Variants in HDGF observed in about 807,000 individuals in gnomAD.
The protein encoded by HDGF is heparin binding growth factor.
Under a neutral mutation model 30.0 loss-of-function variants are expected in HDGF, and 5 were observed. That is an observed-to-expected ratio of 0.17 (90% CI 0.09 to 0.35). HDGF has a LOEUF of 0.35. Ranked by LOEUF, HDGF falls within the 10% of genes least tolerant of loss-of-function variation. The pLI is 1.00. For synonymous variants in HDGF, 133 were observed against 112.7 expected, an observed-to-expected ratio of 1.18 and a Z score of -1.14; for missense variants, 214 against 302.8, an observed-to-expected ratio of 0.71 and a Z score of 2.18.
chr1:156,755,503 T>C (rs1055688951), upstream of HDGF: 1 of 152,148 alleles, frequency 6.6e-6, no homozygotes, highest in Non-Finnish European at 1.5e-5. Flanking sequence ...CAAAATTTTC[T>C]TGCACTGTGA....
chr1:156,748,564 C>T (rs1207234497), intron 1 of HDGF, among the ~76,000 whole-genome samples: 1 of 152,170 alleles, frequency 6.6e-6, no homozygotes, highest in Non-Finnish European at 1.5e-5. Flanking sequence ...TTGCATTTGC[C>T]CGATTCCATC....
In HDGF at chr1:156,743,424, G is replaced by A; in HGVS notation, c.*25C>T. On this transcript the variant is annotated 3_prime_UTR_variant, in exon 6 of 6. Transcript: ENST00000357325. ...CCCAGACAGCAGCAGGAACAGGGTG[G>A]GGGCTCCTCTTGAAACATTGGTGGC... 1 of 1,514,320 alleles carries A rather than the reference G, an allele frequency of 6.6e-7. No homozygotes were observed. Among genetic ancestry groups the A allele is most frequent in the Non-Finnish European group, 8.8e-7 (1 of 1,134,048 alleles). 93.8% of individuals were successfully genotyped at this position (1,514,320 alleles called of 1,614,324 possible).
intron 1 of HDGF, among the ~76,000 whole-genome samples, chr1:156,765,349 T>C (rs1651335778): frequency 6.6e-6 from 1 of 151,168 alleles, no homozygotes; most frequent in Non-Finnish European, 1.5e-5. Context: ...CGCCTCGGCC[T>C]CCCAAAATGC....
intron 1 of HDGF, among the ~76,000 whole-genome samples, chr1:156,764,085 G>GTTTT (rs1651306835): frequency 6.6e-6 from 1 of 151,012 alleles, no homozygotes; most frequent in Non-Finnish European, 1.5e-5. Flanking sequence ...TTCTGTTTTT[G>GTTTT]TTTGTTTGTT....
Position 156,743,863 on chromosome 1 carries a change from G to A in HDGF, c.505C>T (p.Pro169Ser). The change falls in exon 5 of 6, where the codon CCC (proline) becomes TCC (serine). Residue 169 changes from proline to serine, a missense_variant. Physicochemically the swap from Pro to Ser is moderately conservative, Grantham distance 74. Coordinates refer to ENST00000357325, the MANE Select transcript of HDGF (RefSeq NM_004494.3). ...CCTTCAGGGTTTTCTGCCTCCTTGGGACGTTTAGGAGAGTCCTAGGCAGGA... is the reference window on the plus strand; with the variant it reads ...CCTTCAGGGTTTTCTGCCTCCTTGGAACGTTTAGGAGAGTCCTAGGCAGGA... ...GDLLEDSPKRPKEAENPEGEE... is the reference protein window; with the variant it reads ...GDLLEDSPKRSKEAENPEGEE... The A allele has an allele frequency of 6.2e-7, 1 of 1,613,450 alleles. No homozygotes were observed. The highest frequency in any genetic ancestry group is 1.1e-5 in the South Asian group (1 of 91,056).
chr1:156,756,667 C>A (rs1466372599), upstream of HDGF, among the ~76,000 whole-genome samples: 2 of 152,066 alleles, frequency 1.3e-5, no homozygotes, highest in Non-Finnish European at 1.5e-5. Context: ...CTATTAGTTA[C>A]CATCTGTTAG....
upstream of HDGF, chr1:156,751,885 G>A (rs1474870997): frequency 1.1e-6 from 1 of 949,462 alleles, no homozygotes; most frequent in Non-Finnish European, 1.5e-6. This position sits in a 1 kb window ranked among gnomAD's most constrained non-coding sequence, Gnocchi z 4.7. Context: ...GCCTGACGGC[G>A]CGTGGCGGCA....
chr1:156,758,741 G>T (rs1651196457), intron 2 of HDGF, among the ~76,000 whole-genome samples: 1 of 152,146 alleles, frequency 6.6e-6, no homozygotes, highest in South Asian at 2.1e-4. Flanking sequence ...TCGCGCCACT[G>T]CACTCCAGCC....
chr1:156,765,100 T>A (rs1233545395), intron 1 of HDGF, among the ~76,000 whole-genome samples: 1 of 150,630 alleles, frequency 6.6e-6, no homozygotes, highest in Non-Finnish European at 1.5e-5. Flanking sequence ...CCGCCCTTTT[T>A]TTTTTTTTTG....
In HDGF at chr1:156,744,322, T is replaced by C; in HGVS notation, c.330A>G (p.Glu110=). 8 of 1,614,162 alleles carry C rather than the reference T, an allele frequency of 5.0e-6. No individual in the cohort carries two copies. In the South Asian group the frequency reaches 5.5e-5, roughly 11 times the overall value. ...YQSSQKKSCV[E]EPEPEPEAAE... is the part of the protein sequence containing the mutation. ...CAGCTTCGGGCTCTGGTTCAGGCTC[T>C]TCCACACAGCTCTTTTTCTGGGAGG... The change falls in exon 4 of 6, where the codon GAA becomes GAG. Residue 110 remains glutamate (E), a synonymous_variant. Coordinates refer to ENST00000357325, the MANE Select transcript of HDGF (RefSeq NM_004494.3).
intron 1 of HDGF, among the ~76,000 whole-genome samples, chr1:156,760,584 C>T (rs1651233089): frequency 6.6e-6 from 1 of 152,144 alleles, no homozygotes; most frequent in Admixed American, 6.5e-5. Flanking sequence ...CACATATATT[C>T]CTTGGGCATT....
chr1:156,743,532 C>G (rs1650273394), intron 5 of HDGF, 77 bp from the exon 6 acceptor site: 1 of 1,584,492 alleles, frequency 6.3e-7, no homozygotes, highest in Non-Finnish European at 8.6e-7. Context: ...GTGCCGGTCT[C>G]CTAGGAGAGC....
intron 1 of HDGF, chr1:156,750,733 T>C (rs932760539): frequency 6.6e-6 from 1 of 152,222 alleles, no homozygotes; most frequent in Non-Finnish European, 1.5e-5. Flanking sequence ...CCAAGCCAGG[T>C]AGATCCCCTT....
intron 2 of HDGF, among the ~76,000 whole-genome samples, chr1:156,758,602 A>AAAAATAAATAAAT (rs1474751376): frequency 2.4e-4 from 1 of 4,238 alleles, no homozygotes; most frequent in Admixed American, 5.6e-3. Context: ...CAAAAAAAAA[A>AAAAATAAATAAAT]ATAAATAAAT....
At position 156,759,708 on chromosome 1, in the gene HDGF, C is replaced by T. The variant is rs531668310; in HGVS notation, n.137-489G>A. On this transcript the variant is annotated intron_variant and non_coding_transcript_variant, in intron 1 of 7. Coordinates refer to the HDGF transcript ENST00000465180. ...TGTTGGTCAGGCTGGTCTCAAACTCCTGACCTTGTGATCCGCCCACCTCAC... is the reference window on the plus strand; with the variant it reads ...TGTTGGTCAGGCTGGTCTCAAACTCTTGACCTTGTGATCCGCCCACCTCAC... Among the ~76,000 whole-genome samples the T allele has an allele frequency of 3.3e-5, 5 of 152,248 alleles. No homozygotes were observed. The East Asian group carries it at 7.7e-4, about 24-fold the overall frequency.
rs1366928745 is a variant in HDGF at position 156,748,918 on chromosome 1, G to T, written c.87+2425C>A. Among the ~76,000 whole-genome samples, 4 of 152,226 alleles carry T rather than the reference G, an allele frequency of 2.6e-5. No homozygotes were observed. In the East Asian group the frequency reaches 7.7e-4, roughly 29 times the overall value. On this transcript the variant is annotated intron_variant, in intron 1 of 5. Coordinates refer to ENST00000357325, the MANE Select transcript of HDGF (RefSeq NM_004494.3). Reference sequence around the variant, plus strand: ...GGGAAGGGGCACCGGGAGGAAAGACGGGTGAGGTCCTGGCTGCCCAGGTTT... The same window carrying T: ...GGGAAGGGGCACCGGGAGGAAAGACTGGTGAGGTCCTGGCTGCCCAGGTTT...
chr1:156,759,358 G>A (rs1651204934), intron 1 of HDGF: 1 of 152,142 alleles, frequency 6.6e-6, no homozygotes, highest in South Asian at 2.1e-4. Context: ...TCAAGCAAAT[G>A]CAGAGATAAC....
intron 1 of HDGF, among the ~76,000 whole-genome samples, chr1:156,748,552 C>G (rs549168499): frequency 9.8e-5 from 15 of 152,310 alleles, no homozygotes; most frequent in African/African-American, 3.6e-4. Context: ...TATTCTTAGG[C>G]CTTGCATTTG....
At chr1:156,759,500 G>C (rs1426599513) in intron 1 of HDGF, among the ~76,000 whole-genome samples, 2 of 26,202 alleles carry the variant, frequency 7.6e-5, no homozygotes, top group African/African-American at 3.0e-4. Flanking sequence ...TTTTTTTTTT[G>C]AGATGGAGTC....
Sources: allele counts gnomAD v4.1 joint callset (sites outside exome capture counted in the v4.1 genomes callset), GRCh38; gene constraint gnomAD v4.1.1; non-coding constraint Gnocchi (gnomAD v3.1); transcripts MANE v1.5; gene names NCBI Gene and HGNC (gene_info 2026-07-23, HGNC 2026-07-21).